Variants in CYBB observed in about 807,000 individuals in gnomAD.
CYBB encodes the protein NADPH oxidase 2.
Under a neutral mutation model 46.5 loss-of-function variants are expected in CYBB, and 5 were observed. The observed-to-expected ratio is 0.11, with a 90% confidence interval of 0.06 to 0.23. The LOEUF (loss-of-function observed/expected upper bound fraction) is 0.23, where lower values mean the gene tolerates loss of function less well. Ranked by LOEUF, CYBB falls within the 10% of genes least tolerant of loss-of-function variation. CYBB has a pLI of 1.00. For missense variants in CYBB, 307 were observed against 428.3 expected, an observed-to-expected ratio of 0.72 and a Z score of 2.50; for synonymous variants, 183 against 156.7, an observed-to-expected ratio of 1.17 and a Z score of -1.26.
intron 1 of CYBB, among the ~76,000 whole-genome samples, chrX:37,781,271 C>T (rs1928947477): frequency 8.9e-6 from 1 of 112,596 alleles, no homozygotes; most frequent in African/African-American, 3.2e-5. Context: ...ATTATATACT[C>T]ATGCACTTGA....
At chrX:37,788,767 T>C (rs1556466134) in intron 3 of CYBB, among the ~76,000 whole-genome samples, 1 of 111,586 alleles carries the variant, frequency 9.0e-6, no homozygotes, top group Non-Finnish European at 1.9e-5. Context: ...CTAATTCTCA[T>C]TCTCTGATTC....
chrX:37,788,327 A>G (rs1556465990), intron 3 of CYBB, among the ~76,000 whole-genome samples: 2 of 111,981 alleles, frequency 1.8e-5, no homozygotes, highest in African/African-American at 6.5e-5. Flanking sequence ...AGAAAAGAAC[A>G]GTGTGTGGCA....
rs144211819 is a variant in CYBB at position 37,785,684 on chromosome X, A to T, written c.252+2084A>T. Reference sequence around the variant, plus strand: ...CTTGACTTCCATACATGTGGGGATTACAGGCATGAGTCACCTGCCTGGCGA... The same window carrying T: ...CTTGACTTCCATACATGTGGGGATTTCAGGCATGAGTCACCTGCCTGGCGA... On this transcript the variant is annotated intron_variant, in intron 3 of 12. Transcript: ENST00000378588. 1.3e-3 allele frequency among the ~76,000 whole-genome samples: 141 copies of T among 111,447 alleles called. 3 individuals carry two copies. The East Asian group carries it at 0.017, about 13-fold the overall frequency.
Position 37,790,002 on chromosome X carries a change from T to C in CYBB, c.253-1973T>C, listed in dbSNP as rs190268765. Reference sequence around the variant, plus strand: ...GGGGCAAGCCTGAAATCCCAGGGGATTGATGTCCTGAGAGCATCCCTCAGA... The same window carrying C: ...GGGGCAAGCCTGAAATCCCAGGGGACTGATGTCCTGAGAGCATCCCTCAGA... On this transcript the variant is annotated intron_variant, in intron 3 of 12. Transcript: ENST00000378588. Among the ~76,000 whole-genome samples, 5 of 111,966 alleles carry C rather than the reference T, an allele frequency of 4.5e-5. No individual in the cohort carries two copies. The East Asian group carries it at 8.4e-4, about 19-fold the overall frequency.
At chrX:37,790,269 C>T (rs1407359507) in intron 3 of CYBB, among the ~76,000 whole-genome samples, 2 of 111,616 alleles carry the variant, frequency 1.8e-5, no homozygotes, top group East Asian at 2.8e-4. Flanking sequence ...TTTTTACCCT[C>T]GTTTTCTATG....
intron 7 of CYBB, among the ~76,000 whole-genome samples, 192 bp downstream of exon 7, chrX:37,799,276 A>T (rs1185419073): frequency 8.9e-6 from 1 of 112,069 alleles, no homozygotes; most frequent in African/African-American, 3.2e-5. Context: ...TAAGCTTTGC[A>T]TTGTTCTGTT....
At chrX:37,795,890 ATGTGTGTGTGTGTGTGTGTGTGTGTGTG>A (rs57325016) in intron 5 of CYBB, 33 bp from the exon 6 acceptor site, 1 of 443,000 alleles carries the variant, frequency 2.3e-6, no homozygotes, top group African/African-American at 2.7e-5. Context: ...GCTTGCGCAC[ATGTGTGTGTGTGTGTGTGTGTGTGTGTG>A]TGTGTGTGTG....
chrX:37,806,278 C>A (rs782056947), intron 10 of CYBB, 109 bp from the exon 11 acceptor site: 36 of 800,197 alleles, frequency 4.5e-5, no homozygotes, highest in Non-Finnish European at 6.5e-5. Context: ...TGTTTCTAGG[C>A]ATTCTGAGCA....
intron 7 of CYBB, among the ~76,000 whole-genome samples, chrX:37,800,132 T>A (rs1169711027): frequency 9.0e-6 from 1 of 111,262 alleles, no homozygotes; most frequent in Non-Finnish European, 1.9e-5. Context: ...AATCCTCTTG[T>A]GGGCAGGGGA....
Position 37,805,702 on chromosome X carries a change from G to A in CYBB, c.1314+534G>A, listed in dbSNP as rs976813097. On this transcript the variant is annotated intron_variant, in intron 10 of 12. Coordinates refer to ENST00000378588, the MANE Select transcript of CYBB (RefSeq NM_000397.4). ...TGAGATTGATTCAATTTCCAGCCGC[G>A]CCCCACCCCCTCCACTCACCCAATA... Among the ~76,000 whole-genome samples the A allele has an allele frequency of 1.4e-4, 15 of 110,318 alleles. No homozygotes were observed. In the South Asian group the frequency reaches 1.5e-3, roughly 11 times the overall value.
chrX:37,808,285 G>T (rs950947198), intron 11 of CYBB, among the ~76,000 whole-genome samples: 8 of 112,292 alleles, frequency 7.1e-5, no homozygotes, highest in African/African-American at 2.6e-4. Context: ...TTTTCACATG[G>T]TGGAAAGAAA....
chrX:37,791,699 A>C (rs1929200090), intron 3 of CYBB, among the ~76,000 whole-genome samples: 1 of 111,898 alleles, frequency 8.9e-6, no homozygotes, highest in African/African-American at 3.2e-5. Context: ...ATTTTTATAC[A>C]GTTAAGCAAT....
rs894753163 is a variant in CYBB, at chrX:37,811,627, CAAGT to C, written c.*715_*718del. 1 of 111,970 alleles carries C rather than the reference CAAGT, an allele frequency of 8.9e-6. No homozygotes were observed. The highest frequency in any genetic ancestry group is 3.2e-5 in the African/African-American group (1 of 30,780). The allele number at this position is 111,970 out of a possible 1,213,427, so 9.2% of individuals were successfully genotyped here. On this transcript the variant is annotated 3_prime_UTR_variant, in exon 13 of 13. Coordinates refer to ENST00000378588, the MANE Select transcript of CYBB (RefSeq NM_000397.4). ...CTGTGCTTGGCAGAGAGCGGATACT[CAAGT>C]AAGTTTTGTTAAATGAATGAATGAA...
chrX:37,813,210 T>G lies in CYBB; in HGVS notation c.*2293T>G, dbSNP rs1929710735. On this transcript the variant is annotated 3_prime_UTR_variant, in exon 13 of 13. Coordinates refer to ENST00000378588, the MANE Select transcript of CYBB (RefSeq NM_000397.4). Reference sequence around the variant, plus strand: ...CCAGCAGCCAGCTGCCAGCCTAGCTTTTTTTTTTTTTTTTTTTTTTTAGCA... The same window carrying G: ...CCAGCAGCCAGCTGCCAGCCTAGCTGTTTTTTTTTTTTTTTTTTTTTAGCA... 1.5e-5 allele frequency: 1 copy of G among 67,699 alleles called. No homozygotes were observed. Among genetic ancestry groups the G allele is most frequent in the African/African-American group, 7.1e-5 (1 of 14,060 alleles). 5.6% of individuals were successfully genotyped at this position (67,699 alleles called of 1,213,427 possible).
At chrX:37,803,262 G>A (rs1015842467) in intron 8 of CYBB, among the ~76,000 whole-genome samples, 69 of 110,507 alleles carry the variant, frequency 6.2e-4, no homozygotes, top group African/African-American at 1.9e-3. Context: ...AAGTTATTGC[G>A]GTTTTTGCCA....
At chrX:37,807,976 C>A (rs1370667107) in intron 11 of CYBB, among the ~76,000 whole-genome samples, 1 of 111,798 alleles carries the variant, frequency 8.9e-6, no homozygotes. Flanking sequence ...GGTAATGATT[C>A]CTGGAGTGGT....
chrX:37,803,284 C>CA (rs1556470551), intron 8 of CYBB, among the ~76,000 whole-genome samples: 54 of 109,906 alleles, frequency 4.9e-4, no homozygotes, highest in African/African-American at 1.6e-3. Flanking sequence ...TAAAATATGG[C>CA]AAAACTGCAA....
In CYBB at chrX:37,801,302, G is replaced by A; in HGVS notation, c.851G>A (p.Arg284Lys). 3 of 1,208,990 alleles carry A rather than the reference G, an allele frequency of 2.5e-6. No homozygotes were observed. Among genetic ancestry groups the A allele is most frequent in the Admixed American group, 2.2e-5 (1 of 45,904 alleles). ...VGPMFLYLCE[R>K]LVRFWRSQQK... ...CCCATGTTTCTGTATCTCTGTGAGAGGTTGGTGCGGTTTTGGCGATCTCAA... is the reference window on the plus strand; with the variant it reads ...CCCATGTTTCTGTATCTCTGTGAGAAGTTGGTGCGGTTTTGGCGATCTCAA... The change falls in exon 8 of 13, where the codon AGG becomes AAG. Residue 284 changes from arginine (R) to lysine (K), a missense_variant. This residue lies in a region of CYBB where 82 missense variants were observed against 69.9 expected (regional missense o/e 1.17). Coordinates refer to ENST00000378588, the MANE Select transcript of CYBB (RefSeq NM_000397.4).
intron 9 of CYBB, 136 bp from the exon 10 acceptor site, chrX:37,804,870 A>G (rs1173725596): frequency 3.0e-6 from 2 of 663,913 alleles, no homozygotes; most frequent in Admixed American, 2.7e-5. Context: ...AAGCTATTTC[A>G]TAGAAGGAAG....
Sources: gnomAD v4.1 joint callset for allele counts (sites outside exome capture counted in the v4.1 genomes callset) on GRCh38, gnomAD v4.1.1 for gene constraint, gnomAD v4.1.1 regional missense constraint, MANE v1.5 for transcripts, NCBI Gene and HGNC (gene_info 2026-07-23, HGNC 2026-07-21) for gene names.